Variants in UNC79 observed in about 807,000 individuals in gnomAD.
UNC79 encodes the protein unc-79 subunit of NALCN channel complex.
A neutral mutation model predicts 283.1 loss-of-function variants in UNC79; 37 were observed. The observed-to-expected ratio is 0.13, with a 90% confidence interval of 0.10 to 0.17. The LOEUF (loss-of-function observed/expected upper bound fraction) is 0.17. UNC79 is among the 10% of genes least tolerant of loss of function. The probability of loss-of-function intolerance (pLI) is 1.00; values close to 1 mark genes in which losing one functional copy is unlikely to be tolerated. For synonymous variants in UNC79, 1,107 were observed against 1,200.2 expected (o/e 0.92, Z 1.61); for missense variants, 2,272 against 3,211.1 (o/e 0.71, Z 7.07).
At chr14:93,541,422 G>A (rs2061364152) in intron 13 of UNC79, among the ~76,000 whole-genome samples, 1 of 152,204 alleles carries the variant, frequency 6.6e-6, no homozygotes. Context: ...ATGCGGCAGA[G>A]AAGCAGGCTT....
intron 1 of UNC79, among the ~76,000 whole-genome samples, chr14:93,353,569 C>T (rs79182523): frequency 0.013 from 2,003 of 152,266 alleles, 53 homozygotes; most frequent in African/African-American, 0.046. Context: ...TGTTTACTCC[C>T]ATATCAATCA....
chr14:93,601,319 C>T (rs948753222), intron 25 of UNC79, among the ~76,000 whole-genome samples: 2 of 151,382 alleles, frequency 1.3e-5, no homozygotes, highest in African/African-American at 4.9e-5. Flanking sequence ...ATCCTCATAG[C>T]TTAGCTCCCA....
chr14:93,592,450 A>C (rs1266415424), intron 22 of UNC79, among the ~76,000 whole-genome samples: 1 of 152,186 alleles, frequency 6.6e-6, no homozygotes, highest in African/African-American at 2.4e-5. Context: ...CTGGGATTAC[A>C]GGCGTGAGCC....
At chr14:93,370,062 G>T (rs1009026732) in intron 1 of UNC79, among the ~76,000 whole-genome samples, 3 of 152,172 alleles carry the variant, frequency 2.0e-5, no homozygotes, top group Non-Finnish European at 4.4e-5. Flanking sequence ...CAGGACTATA[G>T]AATGCTTCCC....
At chr14:93,548,181 C>G (rs1206334429) in intron 14 of UNC79, among the ~76,000 whole-genome samples, 5 of 152,136 alleles carry the variant, frequency 3.3e-5, no homozygotes, top group Admixed American at 2.6e-4. Flanking sequence ...AGTCCCAGAT[C>G]AAGGCAGATT....
chr14:93,349,346 G>C (rs1331250804), intron 1 of UNC79, among the ~76,000 whole-genome samples: 1 of 152,194 alleles, frequency 6.6e-6, no homozygotes, highest in Non-Finnish European at 1.5e-5. Context: ...TGGCAGACTT[G>C]CAAGACTGGC....
intron 39 of UNC79, 87 bp from the exon 43 acceptor site, chr14:93,662,517 A>AT: frequency 4.5e-6 from 4 of 894,724 alleles, no homozygotes; most frequent in Non-Finnish European, 6.7e-6. Context: ...AAGTGATTCC[A>AT]TTAGTTAAAG....
intron 41 of UNC79, among the ~76,000 whole-genome samples, chr14:93,679,756 C>T (rs2073680375): frequency 6.6e-6 from 1 of 152,176 alleles, no homozygotes; most frequent in African/African-American, 2.4e-5. Flanking sequence ...TTAGTAATGA[C>T]ATATAATAGA....
intron 42 of UNC79, among the ~76,000 whole-genome samples, chr14:93,683,427 A>T (rs1293390138): frequency 6.6e-6 from 1 of 152,096 alleles, no homozygotes; most frequent in Non-Finnish European, 1.5e-5. Flanking sequence ...CTCACATTCC[A>T]TTGGCTAGAA....
chr14:93,478,165 G>A (rs1432622849), intron 4 of UNC79, among the ~76,000 whole-genome samples: 1 of 152,124 alleles, frequency 6.6e-6, no homozygotes, highest in Non-Finnish European at 1.5e-5. Flanking sequence ...TCTAATCTGG[G>A]CAGCTCACAT....
At chr14:93,359,124 T>C (rs2054168052) in intron 1 of UNC79, among the ~76,000 whole-genome samples, 1 of 152,218 alleles carries the variant, frequency 6.6e-6, no homozygotes, top group Non-Finnish European at 1.5e-5. Context: ...TTTAATGTTG[T>C]AGCTTGGGTA....
At chr14:93,540,874 A>G in intron 13 of UNC79, 43 bp downstream of exon 13, 1 of 1,606,490 alleles carries the variant, frequency 6.2e-7, no homozygotes, top group Non-Finnish European at 8.5e-7. Flanking sequence ...CTTATTTCTC[A>G]TTTCAAAATT....
chr14:93,466,979 A>C (rs1242764), intron 1 of UNC79: 2 of 919,656 alleles, frequency 2.2e-6, no homozygotes, highest in Middle Eastern at 5.6e-4. Context: ...TCAGAAAGCT[A>C]TTAGGAAGTC....
intron 10 of UNC79, 118 bp downstream of exon 10, chr14:93,529,444 T>C (rs2060702092): frequency 5.6e-6 from 6 of 1,078,968 alleles, no homozygotes; most frequent in Non-Finnish European, 8.0e-6. Context: ...TTGTATTGTA[T>C]GAATATTCAT....
intron 42 of UNC79, among the ~76,000 whole-genome samples, chr14:93,685,864 C>T (rs576528607): frequency 5.3e-5 from 8 of 152,318 alleles, no homozygotes; most frequent in Admixed American, 2.6e-4. Context: ...TGTCATTTAA[C>T]GACCTAAAAC....
chr14:93,686,455 G>C (rs1595072796), intron 42 of UNC79, 117 bp from the exon 46 acceptor site: 2 of 1,063,728 alleles, frequency 1.9e-6, no homozygotes, highest in East Asian at 5.2e-5. Flanking sequence ...AATGGAGTGA[G>C]TCAGAAATCC....
At chr14:93,659,163 A>G (rs1212797449) in intron 38 of UNC79, 30 bp from the exon 42 acceptor site, 1 of 1,560,500 alleles carries the variant, frequency 6.4e-7, no homozygotes, top group Non-Finnish European at 8.7e-7. Context: ...GTGGAAACTA[A>G]TTTTTACTTT....
At chr14:93,347,135 GGGCGAGGGCAGAGCGCCCCCTCGT>G (rs2053857525) in intron 1 of UNC79, 4 of 1,008,194 alleles carry the variant, frequency 4.0e-6, no homozygotes. Context: ...GTGGGGTAGG[GGGCGAGGGCAGAGCGCCCCCTCGT>G]GGCTGGGGCG....
intron 1 of UNC79, among the ~76,000 whole-genome samples, chr14:93,368,846 T>C (rs2054387366): frequency 1.3e-5 from 2 of 152,236 alleles, no homozygotes; most frequent in South Asian, 4.1e-4. Context: ...TAGCAAATAT[T>C]GTAAACAAGT....
Sources: gnomAD v4.1 joint callset for allele counts (sites outside exome capture counted in the v4.1 genomes callset) on GRCh38, gnomAD v4.1.1 for gene constraint, MANE v1.5 for transcripts, NCBI Gene and HGNC (gene_info 2026-07-23, HGNC 2026-07-21) for gene names.